SSBP2: variants seen among roughly 807,000 people sequenced by gnomAD.
SSBP2 encodes single-stranded DNA-binding protein 2.
A neutral mutation model predicts 61.8 loss-of-function variants in SSBP2; 17 were observed. The observed-to-expected ratio is 0.28, with a 90% CI of 0.19 to 0.41. The LOEUF (loss-of-function observed/expected upper bound fraction) is 0.41. Ranked by LOEUF, SSBP2 falls within the 10% of genes least tolerant of loss-of-function variation. The probability of loss-of-function intolerance (pLI) is 1.00; values close to 1 mark genes in which losing one functional copy is unlikely to be tolerated. For synonymous variants in SSBP2, 139 were observed against 141.3 expected (o/e 0.98, Z 0.12); for missense variants, 310 against 458.7 (o/e 0.68, Z 2.96).
intron 4 of SSBP2, among the ~76,000 whole-genome samples, chr5:81,540,984 C>A (rs1240196683): frequency 1.3e-5 from 2 of 151,710 alleles, no homozygotes; most frequent in African/African-American, 4.8e-5. Context: ...TCTCTCTATG[C>A]AAACAATGTG....
At chr5:81,693,912 A>G (rs1040453684) in intron 1 of SSBP2, among the ~76,000 whole-genome samples, 5 of 152,216 alleles carry the variant, frequency 3.3e-5, no homozygotes, top group Non-Finnish European at 5.9e-5. Context: ...ACAATAGCCA[A>G]GATTTGGAAG....
rs1761340348 is a variant in SSBP2 at position 81,417,113 on chromosome 5, C to A, written c.*3391G>T. On this transcript the variant is annotated 3_prime_UTR_variant, in exon 17 of 17. Transcript: ENST00000320672. ...CTCCCGACCTCAGGTGATCTGCCCA[C>A]CTTGGCCTCCCAAGTGCTGGGATTA... The A allele has an allele frequency of 6.6e-6, 1 of 152,194 alleles. No individual in the cohort carries two copies. The highest frequency in any genetic ancestry group is 1.5e-5 in the Non-Finnish European group (1 of 68,042). The allele number at this position is 152,194 out of a possible 1,614,324, so 9.4% of individuals were successfully genotyped here.
chr5:81,647,430 A>C (rs906832498), intron 2 of SSBP2, among the ~76,000 whole-genome samples: 2 of 152,140 alleles, frequency 1.3e-5, no homozygotes, highest in African/African-American at 4.8e-5. Flanking sequence ...GTCTATCTAC[A>C]TAAGTCCAAA....
At chr5:81,517,725 A>C (rs1260318744) in intron 4 of SSBP2, among the ~76,000 whole-genome samples, 1 of 151,958 alleles carries the variant, frequency 6.6e-6, no homozygotes, top group African/African-American at 2.4e-5. Context: ...CTGAAATGCT[A>C]TTATGTGACT....
intron 4 of SSBP2, among the ~76,000 whole-genome samples, chr5:81,517,698 C>T (rs996461313): frequency 1.1e-4 from 16 of 151,864 alleles, no homozygotes; most frequent in African/African-American, 3.6e-4. Context: ...TTCATCATTT[C>T]CCATTTCCCC....
At chr5:81,670,518 A>T (rs1751510381) in intron 1 of SSBP2, among the ~76,000 whole-genome samples, 1 of 152,184 alleles carries the variant, frequency 6.6e-6, no homozygotes, top group African/African-American at 2.4e-5. Context: ...AGTTTACTGT[A>T]ACAATAAGTT....
At chr5:81,428,534 A>G in intron 16 of SSBP2, 51 bp downstream of exon 16, 2 of 1,421,250 alleles carry the variant, frequency 1.4e-6, no homozygotes, top group Non-Finnish European at 2.0e-6. Flanking sequence ...ATTCTAGCAG[A>G]AGAGCTTCAG....
intron 10 of SSBP2, among the ~76,000 whole-genome samples, chr5:81,455,625 CAAA>C (rs537363119): frequency 8.0e-5 from 1 of 12,562 alleles, no homozygotes; most frequent in Non-Finnish European, 1.1e-4. Context: ...GACTCCGTCT[CAAA>C]AAAAAAAAAA....
chr5:81,586,890 C>T (rs755455337), intron 4 of SSBP2, among the ~76,000 whole-genome samples: 2 of 151,848 alleles, frequency 1.3e-5, no homozygotes, highest in Non-Finnish European at 1.5e-5. Context: ...TGATCAGCCC[C>T]AGTAAAAATC....
rs1766676692 is a variant in SSBP2, at chr5:81,489,298, T to C, written c.384A>G (p.Ser128=). Residue 128 remains serine (S), a synonymous_variant, in exon 6 of 17, where the codon TCA becomes TCG. Coordinates refer to ENST00000320672, the MANE Select transcript of SSBP2 (RefSeq NM_012446.5). ...GCCTTGGACCTCCAGGGTACCGAGG[T>C]GACATAAAAGGCTATTGAAGTAAAA... The C allele has an allele frequency of 6.2e-7, 1 of 1,607,082 alleles. No homozygotes were observed. Among genetic ancestry groups the C allele is most frequent in the Admixed American group, 1.7e-5 (1 of 58,172 alleles).
chr5:81,417,891 T>G lies in SSBP2; in HGVS notation c.*2613A>C, dbSNP rs2153875899. The G allele has an allele frequency of 6.6e-6, 1 of 151,722 alleles. No homozygotes were observed. Among genetic ancestry groups the G allele is most frequent in the Non-Finnish European group, 1.5e-5 (1 of 67,934 alleles). 9.4% of individuals were successfully genotyped at this position (151,722 alleles called of 1,614,324 possible). A position where few individuals can be genotyped will look rare whatever the true frequency, so the allele number is the denominator to read the frequency against. ...TTATAATCAATTGACTGCTCTGCCT[T>G]GAAAAAAAAAACGAATTTTACTTTT... is the stretch of plus-strand genomic sequence containing the variant. On this transcript the variant is annotated 3_prime_UTR_variant, in exon 17 of 17. Coordinates refer to ENST00000320672, the MANE Select transcript of SSBP2 (RefSeq NM_012446.5).
At chr5:81,643,705 C>A (rs1749009244) in intron 2 of SSBP2, among the ~76,000 whole-genome samples, 1 of 146,508 alleles carries the variant, frequency 6.8e-6, no homozygotes, top group Non-Finnish European at 1.5e-5. Flanking sequence ...CAGGCTCAAG[C>A]GATTCTCCTG....
chr5:81,433,316 C>T (rs1762456786), intron 15 of SSBP2, among the ~76,000 whole-genome samples: 1 of 152,044 alleles, frequency 6.6e-6, no homozygotes, highest in Non-Finnish European at 1.5e-5. Flanking sequence ...ACCCCCAACC[C>T]TGTGCTCTCT....
chr5:81,475,969 A>G (rs150912691), intron 6 of SSBP2, among the ~76,000 whole-genome samples: 1,528 of 152,244 alleles, frequency 0.01, 12 homozygotes, highest in Non-Finnish European at 0.013. Flanking sequence ...TTTCACATGT[A>G]TAATTTCAAA....
rs1773934077 is a variant in SSBP2, at chr5:81,572,855, A to G, written c.282+42618T>C. ...TTGAGGGAAACACAGAAGATTCAACATATGTTGAACATCATGTGAACTACA... is the reference window on the plus strand; with the variant it reads ...TTGAGGGAAACACAGAAGATTCAACGTATGTTGAACATCATGTGAACTACA... On this transcript the variant is annotated intron_variant, in intron 4 of 16. Coordinates refer to ENST00000320672, the MANE Select transcript of SSBP2 (RefSeq NM_012446.5). Among the ~76,000 whole-genome samples, 4 of 152,296 alleles carry G rather than the reference A, an allele frequency of 2.6e-5. 1 individual carries two copies. Among genetic ancestry groups the G allele is most frequent in the Middle Eastern group, 3.4e-3 (1 of 294 alleles).
intron 13 of SSBP2, among the ~76,000 whole-genome samples, chr5:81,441,352 C>T (rs187934251): frequency 7.9e-5 from 12 of 152,212 alleles, no homozygotes; most frequent in Middle Eastern, 3.4e-3. Context: ...ACCCATGGCC[C>T]GCCCACTCAG....
intron 3 of SSBP2, among the ~76,000 whole-genome samples, chr5:81,635,714 C>T (rs1358324765): frequency 6.6e-6 from 1 of 151,592 alleles, no homozygotes; most frequent in Non-Finnish European, 1.5e-5. Context: ...CTCCTGGGTA[C>T]CTGGGACTAC....
chr5:81,483,006 G>A (rs1287949058), intron 6 of SSBP2, among the ~76,000 whole-genome samples: 1 of 152,102 alleles, frequency 6.6e-6, no homozygotes, highest in African/African-American at 2.4e-5. Flanking sequence ...TTGTGTCTCA[G>A]GGAATAGGGA....
chr5:81,684,707 A>C (rs1344526720), intron 1 of SSBP2, among the ~76,000 whole-genome samples: 1 of 152,152 alleles, frequency 6.6e-6, no homozygotes, highest in Non-Finnish European at 1.5e-5. Context: ...CCCCGACTGC[A>C]TCTTGGAGTA....
Sources: gnomAD v4.1 joint callset for allele counts (sites outside exome capture counted in the v4.1 genomes callset) on GRCh38, gnomAD v4.1.1 for gene constraint, MANE v1.5 for transcripts, NCBI Gene and HGNC (gene_info 2026-07-23, HGNC 2026-07-21) for gene names.